The following SPARC variants were observed in gnomAD, a reference collection of about 807,000 sequenced individuals.
SPARC encodes the protein basement-membrane protein 40.
In SPARC, 23 loss-of-function variants were observed where a neutral mutation model predicts 37.7. The ratio of observed to expected loss-of-function variants is 0.61; its 90% CI spans 0.44 to 0.87. The LOEUF (loss-of-function observed/expected upper bound fraction) is 0.87. Among genes scored for constraint, SPARC ranks in the 40% least tolerant of loss-of-function variants. The pLI, the probability that SPARC is intolerant of heterozygous loss-of-function variation, is 0.00. For missense variants in SPARC, 312 were observed against 389.0 expected (o/e 0.80, Z 1.66); for synonymous variants, 155 against 150.8 (o/e 1.03, Z -0.20).
intron 6 of SPARC, 65 bp downstream of exon 6, chr5:151,669,599 G>T: frequency 6.4e-7 from 1 of 1,557,108 alleles, no homozygotes; most frequent in Non-Finnish European, 8.8e-7. Flanking sequence ...GGCAGAGACA[G>T]CATCAGTGCC....
At chr5:151,673,681 T>A (rs908196190) in intron 3 of SPARC, among the ~76,000 whole-genome samples, 2 of 152,222 alleles carry the variant, frequency 1.3e-5, no homozygotes, top group Admixed American at 1.3e-4. Flanking sequence ...TCTTATCTAC[T>A]TCTAACCTGG....
chr5:151,681,699 C>T (rs1204473703), intron 1 of SPARC, among the ~76,000 whole-genome samples: 2 of 152,294 alleles, frequency 1.3e-5, no homozygotes, highest in Non-Finnish European at 2.9e-5. Flanking sequence ...CGAGACCAGC[C>T]TGGCCAACAT....
chr5:151,671,909 A>C, intron 4 of SPARC: 1 of 562,194 alleles, frequency 1.8e-6, no homozygotes, highest in Non-Finnish European at 3.0e-6. Flanking sequence ...TTAGCTTGAG[A>C]TAGAGGTCAG....
intron 8 of SPARC, among the ~76,000 whole-genome samples, chr5:151,664,661 G>A (rs1054872439): frequency 6.6e-6 from 1 of 152,166 alleles, no homozygotes; most frequent in Non-Finnish European, 1.5e-5. Flanking sequence ...ATTGTCTATG[G>A]ACACACATTT....
chr5:151,669,638 G>A (rs1760702585), intron 6 of SPARC, 26 bp downstream of exon 6: 7 of 1,612,356 alleles, frequency 4.3e-6, no homozygotes, highest in Non-Finnish European at 5.9e-6. Context: ...CAAGACAGGA[G>A]TCTGGAAGGG....
At chr5:151,673,313 C>T in intron 3 of SPARC, 97 bp from the exon 4 acceptor site, 1 of 847,938 alleles carries the variant, frequency 1.2e-6, no homozygotes, top group Non-Finnish European at 2.1e-6. Context: ...AGCACAAACG[C>T]AGGGTTGGGA....
At chr5:151,673,100 A>T (rs756737299) in intron 4 of SPARC, 29 bp downstream of exon 4, 7 of 1,556,038 alleles carry the variant, frequency 4.5e-6, no homozygotes, top group African/African-American at 2.7e-5. Flanking sequence ...GGCAGCTTGG[A>T]TGTGCCAAGT....
chr5:151,677,080 A>G (rs1760874188), intron 1 of SPARC: 1 of 152,232 alleles, frequency 6.6e-6, no homozygotes, highest in South Asian at 2.1e-4. Context: ...CTAAATGCCA[A>G]GCTCTAGACT....
intron 1 of SPARC, among the ~76,000 whole-genome samples, chr5:151,681,868 G>A (rs1013561138): frequency 1.3e-5 from 2 of 152,158 alleles, no homozygotes; most frequent in Non-Finnish European, 2.9e-5. Flanking sequence ...ACTCTCGCCT[G>A]GGCAACAAGA....
At chr5:151,665,475 C>T (rs544753604) in intron 8 of SPARC, among the ~76,000 whole-genome samples, 1 of 152,234 alleles carries the variant, frequency 6.6e-6, no homozygotes, top group South Asian at 2.1e-4. Flanking sequence ...GGACAAAGAG[C>T]GAGGGGTGAA....
chr5:151,666,297 T>C, intron 8 of SPARC, 64 bp downstream of exon 8: 1 of 1,543,624 alleles, frequency 6.5e-7, no homozygotes, highest in South Asian at 1.2e-5. Context: ...TGAGAGGCTT[T>C]CTGGCCATAG....
intron 1 of SPARC, among the ~76,000 whole-genome samples, chr5:151,676,442 A>G (rs1183570213): frequency 2.0e-5 from 3 of 152,232 alleles, no homozygotes; most frequent in East Asian, 1.9e-4. Context: ...CTTTTTTAAC[A>G]AAAAGAGAAT....
Position 151,666,347 on chromosome 5 carries a change from G to A in SPARC, c.734+14C>T, listed in dbSNP as rs954652347. 13 of 1,612,814 alleles carry A rather than the reference G, an allele frequency of 8.1e-6. No homozygotes were observed. The highest frequency in any genetic ancestry group is 1.7e-4 in the Middle Eastern group (1 of 6,010). On this transcript the variant is annotated intron_variant, in intron 8 of 9. Transcript: ENST00000231061. ...AGCCTTGAGCTCTGTTCACTCTAGG[G>A]TCTGGGGTCTTACCCGTCAATGGGG...
At position 151,666,437 on chromosome 5, in the gene SPARC, A is replaced by G; in HGVS notation, c.658T>C (p.Phe220Leu). 1 of 1,614,204 alleles carries G rather than the reference A, an allele frequency of 6.2e-7. No individual in the cohort carries two copies. Among genetic ancestry groups the G allele is most frequent in the Non-Finnish European group, 8.5e-7 (1 of 1,180,032 alleles). Residue 220 changes from phenylalanine (F) to leucine (L), a missense_variant, in exon 8 of 10, where the codon TTC (phenylalanine) becomes CTC (leucine). By Grantham distance (22) the Phe-to-Leu change is conservative. Transcript: ENST00000231061. ...DHPVELLARDFEKNYNMYIFP... is the reference protein window; with the variant it reads ...DHPVELLARDLEKNYNMYIFP... ...ATGTACATGTTATAGTTCTTCTCGA[A>G]GTCCCGGGCCAGCAGCTCCACGGGG...
At chr5:151,668,058 C>A (rs1032148080) in intron 6 of SPARC, among the ~76,000 whole-genome samples, 1 of 152,192 alleles carries the variant, frequency 6.6e-6, no homozygotes, top group Non-Finnish European at 1.5e-5. Flanking sequence ...ATGATTCCAA[C>A]CTGGTCTTTG....
intron 3 of SPARC, 51 bp downstream of exon 3, chr5:151,674,561 C>A: frequency 3.2e-6 from 5 of 1,568,982 alleles, no homozygotes; most frequent in South Asian, 1.1e-5. Flanking sequence ...TTTCTCAGGG[C>A]ACAGATACAG....
At chr5:151,673,497 A>G (rs1008860342) in intron 3 of SPARC, among the ~76,000 whole-genome samples, 4 of 152,220 alleles carry the variant, frequency 2.6e-5, no homozygotes, top group African/African-American at 7.2e-5. Context: ...GCATAGGACA[A>G]ACCTGCCTCC....
At chr5:151,667,663 G>A in intron 6 of SPARC, 63 bp from the exon 7 acceptor site, 2 of 1,503,224 alleles carry the variant, frequency 1.3e-6, no homozygotes, top group South Asian at 1.2e-5. Flanking sequence ...CCCACCCCAG[G>A]CCCCCACCCA....
At chr5:151,667,708 G>A in intron 6 of SPARC, 108 bp from the exon 7 acceptor site, 1 of 1,292,804 alleles carries the variant, frequency 7.7e-7, no homozygotes. Flanking sequence ...CCTTGGCACA[G>A]TGGCTCAACC....
Sources: allele counts gnomAD v4.1 joint callset (sites outside exome capture counted in the v4.1 genomes callset), GRCh38; gene constraint gnomAD v4.1.1; transcripts MANE v1.5; gene names NCBI Gene and HGNC (gene_info 2026-07-23, HGNC 2026-07-21).